The following DCUN1D4 variants were observed in gnomAD, a reference collection of about 807,000 sequenced individuals.
DCUN1D4 encodes the protein DCN1-like protein 4.
A neutral mutation model predicts 47.9 loss-of-function variants in DCUN1D4; 22 were observed. That is an observed-to-expected ratio of 0.46 (90% CI 0.33 to 0.66). DCUN1D4 has a LOEUF of 0.66. DCUN1D4 is among the 30% of genes least tolerant of loss of function. The pLI is 0.02. For synonymous variants in DCUN1D4, 121 were observed against 112.2 expected (o/e 1.08, Z -0.50); for missense variants, 301 against 340.8 (o/e 0.88, Z 0.92).
chr4:51,842,073 T>C (rs1360193535), upstream of DCUN1D4, among the ~76,000 whole-genome samples: 1 of 152,184 alleles, frequency 6.6e-6, no homozygotes, highest in Admixed American at 6.5e-5. Flanking sequence ...GCTTCAAGTA[T>C]TGAAAAATCA....
At chr4:51,905,326 T>G (rs1732713473) in intron 8 of DCUN1D4, 2 of 389,038 alleles carry the variant, frequency 5.1e-6, no homozygotes, top group African/African-American at 4.1e-5. Flanking sequence ...TCCAGGCCAG[T>G]GTCCTTCACA....
At chr4:51,874,540 A>AT (rs1727390803) in intron 4 of DCUN1D4, among the ~76,000 whole-genome samples, 155 bp downstream of exon 4, 2 of 152,186 alleles carry the variant, frequency 1.3e-5, no homozygotes, top group South Asian at 4.1e-4. Context: ...AATCATGTTT[A>AT]TTTTGTGTTT....
chr4:51,854,756 C>G (rs767655874), intron 1 of DCUN1D4, among the ~76,000 whole-genome samples: 1 of 152,132 alleles, frequency 6.6e-6, no homozygotes, highest in Non-Finnish European at 1.5e-5. Flanking sequence ...GCATTTATTC[C>G]CCTATTTATT....
In DCUN1D4 at chr4:51,851,834, G is replaced by A. The variant is rs79929944; in HGVS notation, c.25+8567G>A. Among the ~76,000 whole-genome samples the A allele has an allele frequency of 1.5e-3, 230 of 152,258 alleles. 6 individuals are homozygous for A. The East Asian group carries it at 0.041, about 27-fold the overall frequency. On this transcript the variant is annotated intron_variant, in intron 1 of 10. Transcript: ENST00000334635. ...TCTGTTTCACAGATGAGGACGCTGA[G>A]GTGTAGAAAGGTTAACTCCCCTTCT...
chr4:51,848,672 G>A (rs985493078), intron 1 of DCUN1D4, among the ~76,000 whole-genome samples: 1 of 152,166 alleles, frequency 6.6e-6, no homozygotes, highest in African/African-American at 2.4e-5. Context: ...TTTAAAATGT[G>A]TTTTAAGAAG....
intron 7 of DCUN1D4, among the ~76,000 whole-genome samples, chr4:51,892,250 C>T (rs974872779): frequency 5.3e-5 from 8 of 152,186 alleles, no homozygotes; most frequent in Non-Finnish European, 1.0e-4. Context: ...TTCATTCCAA[C>T]ATGTAATCAA....
chr4:51,902,700 G>A (rs955821949), intron 8 of DCUN1D4, among the ~76,000 whole-genome samples: 4 of 152,114 alleles, frequency 2.6e-5, no homozygotes, highest in Non-Finnish European at 4.4e-5. Flanking sequence ...TTTTAACTGG[G>A]ATGCTGAAAC....
At chr4:51,870,101 C>T (rs1045787466) in intron 3 of DCUN1D4, among the ~76,000 whole-genome samples, 2 of 152,086 alleles carry the variant, frequency 1.3e-5, no homozygotes, top group South Asian at 2.1e-4. Flanking sequence ...GCCAGATGTT[C>T]GTACCTAATT....
intron 1 of DCUN1D4, chr4:51,848,341 T>G: frequency 7.8e-7 from 1 of 1,283,218 alleles, no homozygotes; most frequent in Non-Finnish European, 1.0e-6. Context: ...GCGTCCTACC[T>G]GCACAAGGTT....
At chr4:51,890,306 C>T (rs543100628) in intron 6 of DCUN1D4, among the ~76,000 whole-genome samples, 4 of 152,244 alleles carry the variant, frequency 2.6e-5, no homozygotes, top group South Asian at 2.1e-4. Context: ...TCACCATAGC[C>T]GCCATCTGAC....
chr4:51,867,538 CT>C (rs749389039), intron 3 of DCUN1D4, among the ~76,000 whole-genome samples: 6 of 152,142 alleles, frequency 3.9e-5, no homozygotes, highest in Non-Finnish European at 7.4e-5. Flanking sequence ...GTGGGTAGCT[CT>C]TTTCTGCAGG....
intron 5 of DCUN1D4, 100 bp downstream of exon 5, chr4:51,877,954 G>C: frequency 1.4e-6 from 1 of 731,042 alleles, no homozygotes; most frequent in Non-Finnish European, 2.1e-6. Flanking sequence ...TTCAAATTTG[G>C]GTGTGTGTGT....
chr4:51,870,516 T>G (rs1726720634), intron 3 of DCUN1D4, among the ~76,000 whole-genome samples: 3 of 152,184 alleles, frequency 2.0e-5, no homozygotes, highest in Non-Finnish European at 2.9e-5. Flanking sequence ...TTTTTTTTTT[T>G]TAGAAGAATC....
At chr4:51,848,306 C>T (rs1365497396) in intron 1 of DCUN1D4, 28 of 1,288,166 alleles carry the variant, frequency 2.2e-5, no homozygotes, top group Non-Finnish European at 2.4e-5. Flanking sequence ...AATGTGCACA[C>T]GTCCGTTTCT....
At chr4:51,910,873 A>G in intron 8 of DCUN1D4, 197 bp from the exon 9 acceptor site, 2 of 572,350 alleles carry the variant, frequency 3.5e-6, no homozygotes, top group Non-Finnish European at 6.1e-6. Context: ...GTAAATTTAT[A>G]TAATATCGTA....
chr4:51,875,661 A>C (rs1727558562), intron 4 of DCUN1D4, among the ~76,000 whole-genome samples: 1 of 152,164 alleles, frequency 6.6e-6, no homozygotes, highest in Non-Finnish European at 1.5e-5. Flanking sequence ...AGCCACTCCC[A>C]GCCCCAGACA....
Position 51,915,797 on chromosome 4 carries a change from T to A in DCUN1D4, c.*2213T>A, listed in dbSNP as rs1028629673. 4 of 152,518 alleles carry A rather than the reference T, an allele frequency of 2.6e-5. No individual in the cohort carries two copies. The highest frequency in any genetic ancestry group is 9.7e-5 in the African/African-American group (4 of 41,440). 9.4% of individuals were successfully genotyped at this position (152,518 alleles called of 1,614,324 possible). On this transcript the variant is annotated 3_prime_UTR_variant, in exon 11 of 11. Transcript: ENST00000334635. ...AGTTAATCCACAATCAACATTTTGA[T>A]GGTAGGGAAAAAACTGCGTAAAAAC...
chr4:51,880,584 C>T (rs1020949855), intron 5 of DCUN1D4, among the ~76,000 whole-genome samples: 1 of 152,230 alleles, frequency 6.6e-6, no homozygotes, highest in East Asian at 1.9e-4. Context: ...CAGTCATCCT[C>T]TGCACATTCT....
chr4:51,841,960 G>T (rs564574460), upstream of DCUN1D4, among the ~76,000 whole-genome samples: 16 of 148,364 alleles, frequency 1.1e-4, no homozygotes, highest in East Asian at 2.8e-3. Context: ...TGGCTGGGAT[G>T]AGGGTGGAGG....
Sources: allele counts gnomAD v4.1 joint callset (sites outside exome capture counted in the v4.1 genomes callset), GRCh38; gene constraint gnomAD v4.1.1; transcripts MANE v1.5; gene names NCBI Gene and HGNC (gene_info 2026-07-23, HGNC 2026-07-21).